TANK: variants seen among roughly 807,000 people sequenced by gnomAD.
TANK encodes the protein TRAF family member associated NFKB activator.
In TANK, 15 loss-of-function variants were observed where a neutral mutation model predicts 43.6. That is an observed-to-expected ratio of 0.34 (90% CI 0.23 to 0.53). TANK has a LOEUF of 0.53. Ranked by LOEUF, TANK falls within the 20% of genes least tolerant of loss-of-function variation. The pLI, the probability that TANK is intolerant of heterozygous loss-of-function variation, is 0.94. For synonymous variants in TANK, 162 were observed against 178.2 expected (o/e 0.91, Z 0.73); for missense variants, 417 against 498.6 (o/e 0.84, Z 1.56).
At chr2:161,221,868 G>T (rs1450715539) in intron 4 of TANK, among the ~76,000 whole-genome samples, 1 of 152,052 alleles carries the variant, frequency 6.6e-6, no homozygotes, top group East Asian at 1.9e-4. Context: ...AAGCAGAGCT[G>T]TGTTTCTAAC....
chr2:161,183,742 T>C (rs948362510), intron 2 of TANK, among the ~76,000 whole-genome samples: 1 of 152,120 alleles, frequency 6.6e-6, no homozygotes, highest in Non-Finnish European at 1.5e-5. Flanking sequence ...AATATTCTGG[T>C]AGATTTATTT....
chr2:161,203,732 T>C (rs1686521341), intron 3 of TANK, 137 bp downstream of exon 3: 1 of 577,606 alleles, frequency 1.7e-6, no homozygotes, highest in Non-Finnish European at 3.0e-6. Context: ...TTATATGTTA[T>C]GTTTATTTAA....
intron 2 of TANK, among the ~76,000 whole-genome samples, chr2:161,192,534 G>GT (rs1553488091): frequency 4.6e-5 from 7 of 151,586 alleles, no homozygotes; most frequent in Admixed American, 1.3e-4. Flanking sequence ...CTGTTAAATT[G>GT]TTTTTTTTAG....
chr2:161,174,214 C>T (rs1197430697), intron 1 of TANK, among the ~76,000 whole-genome samples: 1 of 152,032 alleles, frequency 6.6e-6, no homozygotes, highest in Non-Finnish European at 1.5e-5. Context: ...TAGGAAATTG[C>T]AGATCTGGGG....
intron 1 of TANK, 110 bp downstream of exon 1, chr2:161,160,596 A>G: frequency 1.1e-6 from 1 of 913,162 alleles, no homozygotes; most frequent in Non-Finnish European, 1.5e-6. Context: ...CGCCGCAGGG[A>G]GAGAAGCCGA....
chr2:161,168,377 A>T (rs981267296), intron 1 of TANK, among the ~76,000 whole-genome samples: 1 of 152,178 alleles, frequency 6.6e-6, no homozygotes. Context: ...GCCCCAAAAA[A>T]TTTTCAAGAA....
At chr2:161,189,091 A>G (rs1685798849) in intron 2 of TANK, among the ~76,000 whole-genome samples, 1 of 152,238 alleles carries the variant, frequency 6.6e-6, no homozygotes, top group Non-Finnish European at 1.5e-5. Context: ...ATTCTGCTAT[A>G]GCAGCACAAA....
At chr2:161,193,275 C>T (rs993386630) in intron 2 of TANK, among the ~76,000 whole-genome samples, 1 of 152,182 alleles carries the variant, frequency 6.6e-6, no homozygotes, top group African/African-American at 2.4e-5. Flanking sequence ...TAGCCTCTGA[C>T]CAGACAACTT....
At position 161,224,298 on chromosome 2, in the gene TANK, T is replaced by A. The variant is rs142612909; in HGVS notation, c.404+307T>A. 3.5e-4 allele frequency among the ~76,000 whole-genome samples: 53 copies of A among 152,136 alleles called. 1 individual carries two copies. The East Asian group carries it at 8.9e-3, about 25-fold the overall frequency. On this transcript the variant is annotated intron_variant, in intron 5 of 7. Transcript: ENST00000392749. ...TACCAAAATGAGGAATATTTAATAT[T>A]CTATTTAAGATATTTGCAGAGAACA...
upstream of TANK, chr2:161,156,001 C>T (rs1234486302): frequency 1.1e-6 from 1 of 950,298 alleles, no homozygotes; most frequent in East Asian, 1.2e-4. Context: ...AAATTTTTAA[C>T]AAGATAGGTC....
At chr2:161,234,529 A>G (rs1007002778) in intron 7 of TANK, among the ~76,000 whole-genome samples, 1 of 152,216 alleles carries the variant, frequency 6.6e-6, no homozygotes, top group Non-Finnish European at 1.5e-5. Flanking sequence ...AGAAATTTAA[A>G]AAAAAGAATA....
intron 2 of TANK, among the ~76,000 whole-genome samples, chr2:161,192,733 A>T (rs568878097): frequency 4.9e-4 from 74 of 152,368 alleles, no homozygotes; most frequent in African/African-American, 1.7e-3. Flanking sequence ...AGGAAAATTA[A>T]CATTTAATGA....
At chr2:161,197,145 A>G (rs778801228) in intron 2 of TANK, among the ~76,000 whole-genome samples, 4 of 152,204 alleles carry the variant, frequency 2.6e-5, no homozygotes, top group Non-Finnish European at 4.4e-5. Flanking sequence ...TACTTTGTAC[A>G]TATCTGTACG....
At chr2:161,181,202 C>T (rs191386533) in intron 2 of TANK, among the ~76,000 whole-genome samples, 13 of 152,234 alleles carry the variant, frequency 8.5e-5, no homozygotes, top group African/African-American at 2.9e-4. Context: ...AGGTGGATCA[C>T]CTGAGATCAG....
intron 1 of TANK, among the ~76,000 whole-genome samples, chr2:161,164,889 G>A (rs1684604038): frequency 6.6e-6 from 1 of 152,002 alleles, no homozygotes; most frequent in Admixed American, 6.6e-5. Context: ...GTAAATGATG[G>A]CAATTGTTTG....
At chr2:161,143,837 T>G (rs1304164827) in intron 1 of TANK, among the ~76,000 whole-genome samples, 2 of 152,198 alleles carry the variant, frequency 1.3e-5, no homozygotes, top group Non-Finnish European at 2.9e-5. Context: ...ATAAAATGAG[T>G]TAGGGAGGAG....
At chr2:161,162,665 TTA>T (rs1222407516) in intron 1 of TANK, 1 of 152,126 alleles carries the variant, frequency 6.6e-6, no homozygotes, top group African/African-American at 2.4e-5. Flanking sequence ...ATCTAATAAA[TTA>T]TATTTATCAG....
At chr2:161,223,149 A>G (rs1406184561) in intron 4 of TANK, 2 of 152,128 alleles carry the variant, frequency 1.3e-5, no homozygotes, top group African/African-American at 4.8e-5. Context: ...ATTATAACTT[A>G]TGATTCTGTA....
chr2:161,154,131 T>TA (rs1421343019), intron 1 of TANK, among the ~76,000 whole-genome samples: 2 of 152,064 alleles, frequency 1.3e-5, no homozygotes, highest in Admixed American at 1.3e-4. Flanking sequence ...AAGGACAGGG[T>TA]AAAATAGGAG....
Sources: gnomAD v4.1 joint callset for allele counts (sites outside exome capture counted in the v4.1 genomes callset) on GRCh38, gnomAD v4.1.1 for gene constraint, MANE v1.5 for transcripts, NCBI Gene and HGNC (gene_info 2026-07-23, HGNC 2026-07-21) for gene names.